GABRB3: variants seen among roughly 807,000 people sequenced by gnomAD.
The protein encoded by GABRB3 is gamma-aminobutyric acid receptor subunit beta-3.
Under a neutral mutation model 52.1 loss-of-function variants are expected in GABRB3, and 14 were observed. The ratio of observed to expected loss-of-function variants is 0.27; its 90% CI spans 0.18 to 0.42. The LOEUF (loss-of-function observed/expected upper bound fraction) is 0.42, where lower values mean the gene tolerates loss of function less well. Among genes scored for constraint, GABRB3 ranks in the 10% least tolerant of loss-of-function variants. The pLI is 1.00. For missense variants in GABRB3, 307 were observed against 609.1 expected (o/e 0.50, Z 5.22); for synonymous variants, 260 against 232.3 (o/e 1.12, Z -1.08).
rs543527560 is a variant in GABRB3 at position 26,634,150 on chromosome 15, T to G, written c.241-12616A>C. Reference sequence around the variant, plus strand: ...GGAGAGGGGCACCCCCCTTTCCCACTCCTGATCAGCCTCTGGGTCTTCGTT... The same window carrying G: ...GGAGAGGGGCACCCCCCTTTCCCACGCCTGATCAGCCTCTGGGTCTTCGTT... On this transcript the variant is annotated intron_variant, in intron 3 of 8. Coordinates refer to ENST00000311550, the MANE Select transcript of GABRB3 (RefSeq NM_000814.6). Among the ~76,000 whole-genome samples the G allele has an allele frequency of 3.3e-5, 5 of 152,254 alleles. No homozygotes were observed. In the East Asian group the frequency reaches 7.7e-4, roughly 24 times the overall value.
At position 26,596,727 on chromosome 15, in the gene GABRB3, A is replaced by T. The variant is rs140308279; in HGVS notation, c.462-13313T>A. On this transcript the variant is annotated intron_variant, in intron 4 of 8. Coordinates refer to ENST00000311550, the MANE Select transcript of GABRB3 (RefSeq NM_000814.6). ...AAAAAGAAGACATATATAATCTGTT[A>T]CTATATTTAAAAGACTGTATATGGT... Among the ~76,000 whole-genome samples the T allele has an allele frequency of 2.6e-3, 400 of 152,340 alleles. 1 individual carries two copies. The highest frequency in any genetic ancestry group is 4.9e-3 in the Non-Finnish European group (331 of 68,030).
chr15:26,714,208 A>G (rs1304750019), intron 3 of GABRB3, among the ~76,000 whole-genome samples: 1 of 152,230 alleles, frequency 6.6e-6, no homozygotes, highest in East Asian at 1.9e-4. Flanking sequence ...GTGTCCCTGC[A>G]TTGGGGTCGG....
At chr15:26,555,741 A>G (rs1430611431) in intron 8 of GABRB3, among the ~76,000 whole-genome samples, 1 of 152,240 alleles carries the variant, frequency 6.6e-6, no homozygotes, top group Non-Finnish European at 1.5e-5. Flanking sequence ...CGGAAACAAC[A>G]GTGCAGGTAA....
At chr15:26,666,155 A>C (rs962635996) in intron 3 of GABRB3, among the ~76,000 whole-genome samples, 3 of 152,126 alleles carry the variant, frequency 2.0e-5, no homozygotes, top group Admixed American at 2.0e-4. Context: ...ACTCCTCAAT[A>C]ATCCAGCCAA....
At position 26,580,984 on chromosome 15, in the gene GABRB3, G is replaced by A. The variant is rs1595457152; in HGVS notation, c.545-528C>T. On this transcript the variant is annotated intron_variant, in intron 5 of 8. Transcript: ENST00000311550. ...TGGATGGTTTTATCAGCTCTTCCTG[G>A]CCACGAAGTTTGCCAACCTTAGAAA... Among the ~76,000 whole-genome samples the A allele has an allele frequency of 2.0e-5, 3 of 152,150 alleles. No individual in the cohort carries two copies. In the South Asian group the frequency reaches 6.2e-4, roughly 32 times the overall value.
intron 3 of GABRB3, 68 bp downstream of exon 3, chr15:26,772,334 G>A: frequency 2.1e-6 from 3 of 1,401,018 alleles, no homozygotes; most frequent in Non-Finnish European, 2.0e-6. Flanking sequence ...GCCCAGCACT[G>A]TGGACGCCTG....
intron 3 of GABRB3, among the ~76,000 whole-genome samples, chr15:26,631,161 T>C (rs1015589967): frequency 6.6e-6 from 1 of 152,206 alleles, no homozygotes; most frequent in South Asian, 2.1e-4. Context: ...GAAGCATTTA[T>C]ACATAGTGAC....
At chr15:26,695,848 G>C (rs1888722725) in intron 3 of GABRB3, among the ~76,000 whole-genome samples, 1 of 152,204 alleles carries the variant, frequency 6.6e-6, no homozygotes, top group Non-Finnish European at 1.5e-5. Context: ...ACAGAGAGCA[G>C]AGAGGCTTTT....
chr15:26,653,973 T>C (rs375153630), intron 3 of GABRB3, among the ~76,000 whole-genome samples: 3 of 152,198 alleles, frequency 2.0e-5, no homozygotes, highest in African/African-American at 4.8e-5. Context: ...TTATTCAGAC[T>C]AATAAACTGC....
intron 3 of GABRB3, among the ~76,000 whole-genome samples, chr15:26,719,173 C>G (rs1023334365): frequency 2.0e-5 from 3 of 152,276 alleles, no homozygotes; most frequent in African/African-American, 7.2e-5. Context: ...GGTCTTCGCT[C>G]TGCATGCGAA....
chr15:26,705,164 G>C (rs1264075589), intron 3 of GABRB3, among the ~76,000 whole-genome samples: 1 of 152,186 alleles, frequency 6.6e-6, no homozygotes, highest in Non-Finnish European at 1.5e-5. Context: ...CTGGAAGCTG[G>C]AAAATGCAAG....
intron 6 of GABRB3, among the ~76,000 whole-genome samples, chr15:26,574,777 T>C (rs746332928): frequency 2.0e-5 from 3 of 152,160 alleles, no homozygotes; most frequent in African/African-American, 4.8e-5. Context: ...GGGCTTCTTT[T>C]TGGGGTGATA....
At chr15:26,714,798 G>C (rs1022837494) in intron 3 of GABRB3, among the ~76,000 whole-genome samples, 1 of 152,062 alleles carries the variant, frequency 6.6e-6, no homozygotes, top group Non-Finnish European at 1.5e-5. Context: ...ATCACTGTTA[G>C]TAATTATTAA....
intron 3 of GABRB3, among the ~76,000 whole-genome samples, chr15:26,664,079 C>T (rs1377800388): frequency 6.6e-6 from 1 of 152,162 alleles, no homozygotes; most frequent in East Asian, 1.9e-4. Flanking sequence ...CAGGGTCTCA[C>T]TTTATTGCCC....
chr15:26,625,614 C>T (rs565151217), intron 3 of GABRB3: 1 of 264,406 alleles, frequency 3.8e-6, no homozygotes, highest in African/African-American at 2.3e-5. Flanking sequence ...GGATTCCTCA[C>T]AGAACATGAA....
At chr15:26,720,015 G>T (rs1368604641) in intron 3 of GABRB3, among the ~76,000 whole-genome samples, 1 of 152,114 alleles carries the variant, frequency 6.6e-6, no homozygotes, top group Non-Finnish European at 1.5e-5. Context: ...CTTAACTGAT[G>T]ACATTCCACC....
At chr15:26,689,325 A>G (rs1431748214) in intron 3 of GABRB3, among the ~76,000 whole-genome samples, 1 of 152,188 alleles carries the variant, frequency 6.6e-6, no homozygotes, top group Non-Finnish European at 1.5e-5. Flanking sequence ...CCTGAAAAAG[A>G]GAACTTTATT....
At chr15:26,709,467 AGC>A (rs1018191086) in intron 3 of GABRB3, among the ~76,000 whole-genome samples, 2 of 150,660 alleles carry the variant, frequency 1.3e-5, no homozygotes, top group Non-Finnish European at 2.9e-5. Flanking sequence ...CTTCTTGCAC[AGC>A]CTGCAGAACC....
At chr15:26,597,696 A>G (rs1381718569) in intron 4 of GABRB3, among the ~76,000 whole-genome samples, 1 of 152,208 alleles carries the variant, frequency 6.6e-6, no homozygotes, top group Non-Finnish European at 1.5e-5. Context: ...TACTGGCTCC[A>G]CCACCAATAC....
Sources: allele counts gnomAD v4.1 joint callset (sites outside exome capture counted in the v4.1 genomes callset), GRCh38; gene constraint gnomAD v4.1.1; transcripts MANE v1.5; gene names NCBI Gene and HGNC (gene_info 2026-07-23, HGNC 2026-07-21).